Variants in WWOX observed in about 807,000 individuals in gnomAD.
The protein encoded by WWOX is WW domain-containing oxidoreductase.
In WWOX, 69 loss-of-function variants were observed where a neutral mutation model predicts 46.2. The observed-to-expected ratio is 1.49, with a 90% CI of 1.23 to 1.82. The LOEUF is 1.82. Among genes scored for constraint, WWOX ranks in the 40% most tolerant of loss-of-function variants. The pLI is 0.00. For synonymous variants in WWOX, 359 were observed against 202.6 expected, an observed-to-expected ratio of 1.77 and a Z score of -6.56; for missense variants, 919 against 542.6, an observed-to-expected ratio of 1.69 and a Z score of -6.89.
At chr16:78,932,871 T>C (rs114750277) in intron 8 of WWOX, among the ~76,000 whole-genome samples, 1,540 of 152,256 alleles carry the variant, frequency 0.01, 22 homozygotes, top group African/African-American at 0.035. Flanking sequence ...AGCACCCTTG[T>C]CTGGAAGACA....
chr16:78,532,078 C>A (rs56822222), intron 8 of WWOX, among the ~76,000 whole-genome samples: 2 of 133,244 alleles, frequency 1.5e-5, no homozygotes, highest in East Asian at 4.5e-4. Context: ...TTTTTTTTTT[C>A]TTTTTCCCTT....
chr16:78,210,510 CTCTCTCTCTCTTTCTCTG>C (rs1025922886), intron 5 of WWOX, among the ~76,000 whole-genome samples: 14 of 152,008 alleles, frequency 9.2e-5, no homozygotes, highest in Middle Eastern at 6.8e-3. Flanking sequence ...CAGACACACA[CTCTCTCTCTCTTTCTCTG>C]TCTCTCTCTC....
At chr16:78,233,086 AG>A (rs1294725387) in intron 5 of WWOX, among the ~76,000 whole-genome samples, 9 of 152,228 alleles carry the variant, frequency 5.9e-5, no homozygotes, top group African/African-American at 2.2e-4. Flanking sequence ...AGGCCAAGAA[AG>A]AAATACCCAT....
intron 8 of WWOX, among the ~76,000 whole-genome samples, chr16:79,006,989 G>T (rs775926194): frequency 6.6e-6 from 1 of 152,044 alleles, no homozygotes; most frequent in African/African-American, 2.4e-5. Context: ...TCCCTTTGTC[G>T]CGTAACCTAA....
chr16:78,603,192 C>G (rs1597333531), intron 8 of WWOX, among the ~76,000 whole-genome samples: 1 of 152,166 alleles, frequency 6.6e-6, no homozygotes, highest in Non-Finnish European at 1.5e-5. Context: ...GCTTCTCTGC[C>G]ACACCTGGAG....
intron 8 of WWOX, among the ~76,000 whole-genome samples, chr16:78,522,096 T>G (rs2043360471): frequency 6.6e-6 from 1 of 151,608 alleles, no homozygotes; most frequent in South Asian, 2.1e-4. Flanking sequence ...CTGTGCTCTT[T>G]TCATATACAA....
intron 6 of WWOX, among the ~76,000 whole-genome samples, chr16:78,400,003 T>C (rs924144391): frequency 5.3e-4 from 80 of 152,224 alleles, no homozygotes; most frequent in Non-Finnish European, 4.4e-5. Context: ...GAGCTACTTG[T>C]CACTGCACTG....
chr16:78,702,124 T>TATATATATATATATATATATA (rs777394763), intron 8 of WWOX, among the ~76,000 whole-genome samples: 49 of 105,512 alleles, frequency 4.6e-4, no homozygotes, highest in African/African-American at 2.4e-3. Context: ...ATATATATAT[T>TATATATATATATATATATATA]TATTTATTTT....
chr16:78,901,578 C>T (rs1217356283), intron 8 of WWOX, among the ~76,000 whole-genome samples: 2 of 152,160 alleles, frequency 1.3e-5, no homozygotes, highest in Admixed American at 1.3e-4. Context: ...GCCTGTGCTT[C>T]CCAGACTCAA....
intron 2 of WWOX, 26 bp from the exon 3 acceptor site, chr16:78,109,752 G>T (rs780682347): frequency 6.2e-7 from 1 of 1,613,846 alleles, no homozygotes; most frequent in East Asian, 2.2e-5. Context: ...CCTGGCACCT[G>T]TAGACCTGTC....
At chr16:78,913,143 C>T (rs1026262095) in intron 8 of WWOX, among the ~76,000 whole-genome samples, 9 of 151,976 alleles carry the variant, frequency 5.9e-5, no homozygotes, top group African/African-American at 1.9e-4. Context: ...ATTTTGATTT[C>T]GATCATGGCA....
chr16:78,566,178 C>G (rs1233589591), intron 8 of WWOX, among the ~76,000 whole-genome samples: 1 of 152,074 alleles, frequency 6.6e-6, no homozygotes, highest in South Asian at 2.1e-4. Context: ...GGATACTAAT[C>G]CCATCGTACC....
At chr16:79,169,902 GA>G in intron 8 of WWOX, among the ~76,000 whole-genome samples, 1 of 152,162 alleles carries the variant, frequency 6.6e-6, no homozygotes, top group Non-Finnish European at 1.5e-5. Context: ...AATCAAGATG[GA>G]AAAAAACAAC....
intron 8 of WWOX, among the ~76,000 whole-genome samples, chr16:78,927,325 T>G (rs1349204453): frequency 1.3e-5 from 2 of 152,232 alleles, no homozygotes; most frequent in Admixed American, 6.5e-5. Context: ...TTTATCCTGG[T>G]GACCTTAGGC....
chr16:78,500,756 C>T (rs1162264072), intron 8 of WWOX, among the ~76,000 whole-genome samples: 1 of 152,156 alleles, frequency 6.6e-6, no homozygotes, highest in Non-Finnish European at 1.5e-5. Flanking sequence ...AATTCGAAAG[C>T]TTTTTTCTAT....
At chr16:78,261,807 T>G (rs74703637) in intron 5 of WWOX, among the ~76,000 whole-genome samples, 44,939 of 145,284 alleles carry the variant, frequency 0.31, 7,861 homozygotes, top group East Asian at 0.45. Context: ...TATATATATA[T>G]ATATATATAT....
At chr16:78,227,015 C>T (rs935230105) in intron 5 of WWOX, among the ~76,000 whole-genome samples, 11 of 152,192 alleles carry the variant, frequency 7.2e-5, no homozygotes, top group African/African-American at 2.4e-4. Flanking sequence ...TTGGCATGTG[C>T]TTCTCTTTTA....
At chr16:79,129,536 G>A (rs983322916) in intron 8 of WWOX, among the ~76,000 whole-genome samples, 6 of 151,464 alleles carry the variant, frequency 4.0e-5, no homozygotes, top group Non-Finnish European at 7.4e-5. Context: ...GGTTTATTCC[G>A]AAAGACTGCT....
intron 8 of WWOX, among the ~76,000 whole-genome samples, chr16:78,444,865 C>T (rs571510096): frequency 2.8e-4 from 43 of 152,278 alleles, no homozygotes; most frequent in African/African-American, 9.1e-4. Flanking sequence ...ATATATTTGA[C>T]TTCAGGGAGA....
Sources: gnomAD v4.1 joint callset for allele counts (sites outside exome capture counted in the v4.1 genomes callset) on GRCh38, gnomAD v4.1.1 for gene constraint, MANE v1.5 for transcripts, NCBI Gene and HGNC (gene_info 2026-07-23, HGNC 2026-07-21) for gene names.